The following KLHL3 variants were observed in gnomAD, a reference collection of about 807,000 sequenced individuals.
KLHL3 encodes kelch-like protein 3.
Under a neutral mutation model 70.5 loss-of-function variants are expected in KLHL3, and 19 were observed. The observed-to-expected ratio is 0.27, with a 90% CI of 0.19 to 0.40. KLHL3 has a LOEUF of 0.40. KLHL3 is among the 10% of genes least tolerant of loss of function. KLHL3 has a pLI of 1.00. For synonymous variants in KLHL3, 258 were observed against 290.3 expected (o/e 0.89, Z 1.13); for missense variants, 512 against 771.1 (o/e 0.66, Z 3.98).
chr5:137,637,250 G>A (rs376922734), intron 11 of KLHL3, 44 bp downstream of exon 11: 59 of 1,524,026 alleles, frequency 3.9e-5, no homozygotes, highest in Admixed American at 1.3e-4. Context: ...GACAAGGCCC[G>A]TGGGCCAGGT....
chr5:137,716,927 T>C (rs1027700815), intron 2 of KLHL3, among the ~76,000 whole-genome samples: 1 of 152,220 alleles, frequency 6.6e-6, no homozygotes, highest in Non-Finnish European at 1.5e-5. Context: ...CCATCATGGC[T>C]GAGAACTCCA....
At chr5:137,699,053 G>T (rs1215241691) in intron 3 of KLHL3, among the ~76,000 whole-genome samples, 1 of 152,128 alleles carries the variant, frequency 6.6e-6, no homozygotes, top group Non-Finnish European at 1.5e-5. Context: ...TTGAAACCCA[G>T]GGAGTCTGAC....
intron 8 of KLHL3, among the ~76,000 whole-genome samples, chr5:137,646,834 G>A (rs954641810): frequency 3.3e-5 from 5 of 152,194 alleles, no homozygotes; most frequent in African/African-American, 4.8e-5. Flanking sequence ...GTAACCCTGA[G>A]TAAGAACTAT....
In KLHL3 at chr5:137,627,488, C is replaced by CACCG. The variant is rs58918247; in HGVS notation, c.1591+808_1591+809insCGGT. ...TAGTAAATATCACCACCCCCCCCCC[C>CACCG]GGTTTACACTTCCAAGTCAGCCACG... On this transcript the variant is annotated intron_variant, in intron 13 of 14. Coordinates refer to ENST00000309755, the MANE Select transcript of KLHL3 (RefSeq NM_017415.3). 7.6e-5 allele frequency among the ~76,000 whole-genome samples: 7 copies of CACCG among 92,398 alleles called. 1 individual carries two copies. The highest frequency in any genetic ancestry group is 6.1e-4 in the Admixed American group (5 of 8,142). 60.6% of individuals were successfully genotyped at this position (92,398 alleles called of 152,430 possible). A position where few individuals can be genotyped will look rare whatever the true frequency, so the allele number is the denominator to read the frequency against.
Position 137,653,946 on chromosome 5 carries a change from C to T in KLHL3, c.903+4185G>A, listed in dbSNP as rs192869847. On this transcript the variant is annotated intron_variant, in intron 8 of 14. Coordinates refer to ENST00000309755, the MANE Select transcript of KLHL3 (RefSeq NM_017415.3). The stretch of plus-strand genomic sequence containing the variant: ...AATGAGCTCCTGATACATGCAACAA[C>T]GGGGATGAATCTCAAATGCATTATG... Among the ~76,000 whole-genome samples, 674 of 152,230 alleles carry T rather than the reference C, an allele frequency of 4.4e-3. 5 individuals are homozygous for T. The highest frequency in any genetic ancestry group is 0.015 in the African/African-American group (634 of 41,530).
chr5:137,706,321 C>A (rs1161424374), intron 3 of KLHL3: 1 of 985,164 alleles, frequency 1.0e-6, no homozygotes, highest in Non-Finnish European at 1.2e-6. Context: ...GCATTTTACA[C>A]GTTTTGAAGC....
chr5:137,732,051 TCTGA>T (rs1333123473), intron 1 of KLHL3, among the ~76,000 whole-genome samples: 1 of 152,186 alleles, frequency 6.6e-6, no homozygotes, highest in Non-Finnish European at 1.5e-5. Flanking sequence ...TCTCTATGAA[TCTGA>T]CTAACCATTT....
intron 3 of KLHL3, 104 bp downstream of exon 3, chr5:137,709,646 A>C: frequency 2.3e-6 from 2 of 865,042 alleles, no homozygotes; most frequent in Non-Finnish European, 3.8e-6. Flanking sequence ...ATAGTGGGCT[A>C]ATGGCTTTCT....
At chr5:137,722,436 A>C (rs1446048590) in intron 1 of KLHL3, among the ~76,000 whole-genome samples, 5 of 152,176 alleles carry the variant, frequency 3.3e-5, no homozygotes, top group African/African-American at 7.2e-5. Flanking sequence ...AGATGCTTAG[A>C]GTTGTGTGTT....
intron 12 of KLHL3, among the ~76,000 whole-genome samples, chr5:137,632,871 A>T (rs748097124): frequency 6.6e-6 from 1 of 152,262 alleles, no homozygotes; most frequent in Non-Finnish European, 1.5e-5. Flanking sequence ...ATTTCTCAAA[A>T]TAAGGCATGC....
At chr5:137,648,248 G>A (rs937894002) in intron 8 of KLHL3, among the ~76,000 whole-genome samples, 1 of 152,202 alleles carries the variant, frequency 6.6e-6, no homozygotes, top group Non-Finnish European at 1.5e-5. Context: ...CCATCCAGGG[G>A]CCTGGGCCAA....
At chr5:137,633,583 C>T (rs943820118) in intron 12 of KLHL3, among the ~76,000 whole-genome samples, 1 of 152,116 alleles carries the variant, frequency 6.6e-6, no homozygotes, top group African/African-American at 2.4e-5. Context: ...CCATCAATGG[C>T]TGATTAAAGA....
At chr5:137,699,429 T>C (rs547679118) in intron 3 of KLHL3, among the ~76,000 whole-genome samples, 1 of 152,186 alleles carries the variant, frequency 6.6e-6, no homozygotes, top group African/African-American at 2.4e-5. Flanking sequence ...GTAGCACCAT[T>C]GAGAGGTTTT....
chr5:137,632,182 AG>A, intron 12 of KLHL3, among the ~76,000 whole-genome samples: 1 of 152,368 alleles, frequency 6.6e-6, no homozygotes, highest in African/African-American at 2.4e-5. Flanking sequence ...GAACCAAAAA[AG>A]AGCCCGAATA....
chr5:137,668,801 T>C (rs1240557671), intron 6 of KLHL3, among the ~76,000 whole-genome samples: 1 of 152,240 alleles, frequency 6.6e-6, no homozygotes, highest in Non-Finnish European at 1.5e-5. Context: ...ACACTGGTAG[T>C]TGAAGTCAGC....
chr5:137,703,538 G>T (rs1656844975), intron 3 of KLHL3, among the ~76,000 whole-genome samples: 1 of 152,138 alleles, frequency 6.6e-6, no homozygotes, highest in African/African-American at 2.4e-5. Context: ...TTAGTTCACA[G>T]GTCCTTATGT....
At chr5:137,623,422 A>C (rs1239889340) in intron 14 of KLHL3, among the ~76,000 whole-genome samples, 1 of 152,226 alleles carries the variant, frequency 6.6e-6, no homozygotes, top group East Asian at 1.9e-4. Flanking sequence ...GCTTCAAGGC[A>C]GGCAGAACCT....
At chr5:137,646,169 C>G (rs574870715) in intron 8 of KLHL3, among the ~76,000 whole-genome samples, 1 of 151,938 alleles carries the variant, frequency 6.6e-6, no homozygotes, top group South Asian at 2.1e-4. Flanking sequence ...GAATGACCAA[C>G]AAGTATATGA....
chr5:137,630,832 G>A (rs1018437850), intron 12 of KLHL3, among the ~76,000 whole-genome samples: 2 of 152,096 alleles, frequency 1.3e-5, no homozygotes, highest in Non-Finnish European at 2.9e-5. Flanking sequence ...CCAGGCAATG[G>A]CCCCACGTTC....
Sources: gnomAD v4.1 joint callset for allele counts (sites outside exome capture counted in the v4.1 genomes callset) on GRCh38, gnomAD v4.1.1 for gene constraint, MANE v1.5 for transcripts, NCBI Gene and HGNC (gene_info 2026-07-23, HGNC 2026-07-21) for gene names.